Variants in GOLGB1 observed in about 807,000 individuals in gnomAD.
The protein encoded by GOLGB1 is golgin B1, also known as golgin subfamily B member 1.
GOLGB1 carries 174 observed loss-of-function variants against 336.9 expected under a neutral mutation model. That is an observed-to-expected ratio of 0.52 (90% CI 0.46 to 0.59). GOLGB1 has a LOEUF of 0.59. Ranked by LOEUF, GOLGB1 falls within the 20% of genes least tolerant of loss-of-function variation. The pLI is 0.00. For missense variants in GOLGB1, 3,331 were observed against 3,645.3 expected (o/e 0.91, Z 2.22); for synonymous variants, 1,208 against 1,289.2 (o/e 0.94, Z 1.35).
At chr3:121,682,745 A>AT (rs1406315258) in intron 14 of GOLGB1, among the ~76,000 whole-genome samples, 1 of 152,158 alleles carries the variant, frequency 6.6e-6, no homozygotes, top group East Asian at 1.9e-4. Flanking sequence ...AAATAATAGC[A>AT]TTTTTTAAAG....
intron 14 of GOLGB1, among the ~76,000 whole-genome samples, chr3:121,689,285 T>C (rs1485469117): frequency 2.6e-5 from 4 of 152,228 alleles, no homozygotes; most frequent in Non-Finnish European, 5.9e-5. Flanking sequence ...CATGGGAAAC[T>C]TTTCATTTTG....
intron 17 of GOLGB1, among the ~76,000 whole-genome samples, chr3:121,675,006 T>G (rs1215883912): frequency 2.0e-5 from 3 of 151,522 alleles, no homozygotes; most frequent in Non-Finnish European, 2.9e-5. Flanking sequence ...CGGCTAATTT[T>G]TTTGTATTTT....
chr3:121,721,941 C>A (rs1286707717), intron 6 of GOLGB1, among the ~76,000 whole-genome samples: 2 of 152,140 alleles, frequency 1.3e-5, no homozygotes, highest in Non-Finnish European at 2.9e-5. Flanking sequence ...TGAGTCCATT[C>A]CCAAAAGACT....
chr3:121,693,343 C>G (rs1006206355), intron 13 of GOLGB1, among the ~76,000 whole-genome samples: 1 of 152,088 alleles, frequency 6.6e-6, no homozygotes, highest in Non-Finnish European at 1.5e-5. Flanking sequence ...AAAAAATTAG[C>G]TGGGCGTGTT....
intron 4 of GOLGB1, among the ~76,000 whole-genome samples, chr3:121,727,674 A>AT (rs141624133): frequency 1.7e-4 from 25 of 150,628 alleles, no homozygotes; most frequent in African/African-American, 3.4e-4. Context: ...TCAATAATCT[A>AT]TTTTTTTTTC....
At chr3:121,666,840 T>C (rs939781782) in intron 20 of GOLGB1, among the ~76,000 whole-genome samples, 1 of 152,204 alleles carries the variant, frequency 6.6e-6, no homozygotes, top group Admixed American at 6.5e-5. Flanking sequence ...AGTGATTCTT[T>C]TGATGAGAAT....
intron 10 of GOLGB1, among the ~76,000 whole-genome samples, chr3:121,704,388 G>A (rs146110479): frequency 3.5e-4 from 53 of 152,220 alleles, no homozygotes; most frequent in African/African-American, 1.1e-3. Context: ...ATGGAAAAAT[G>A]ATACTTTACA....
chr3:121,671,275 A>G (rs1939494681), intron 17 of GOLGB1, among the ~76,000 whole-genome samples: 1 of 152,206 alleles, frequency 6.6e-6, no homozygotes, highest in East Asian at 1.9e-4. Context: ...GTCACTAATC[A>G]TCCATCTCAT....
Position 121,697,060 on chromosome 3 carries a change from G to A in GOLGB1, c.3463C>T (p.Pro1155Ser). 1 of 1,613,940 alleles carries A rather than the reference G, an allele frequency of 6.2e-7. No homozygotes were observed. The highest frequency in any genetic ancestry group is 2.2e-5 in the East Asian group (1 of 44,876). ...LVKETVVISP[P>S]CTGSSEHWKP... ...CAGTGTTCACTACTACCTGTACAAG[G>A]TGGACTTATCACCACTGTTTCCTTT... Residue 1155 changes from proline to serine, a missense_variant, in exon 13 of 22, where the codon CCT becomes TCT. Pro to Ser is a moderately conservative substitution (Grantham distance 74, BLOSUM62 -1). Coordinates refer to ENST00000614479, the MANE Select transcript of GOLGB1 (RefSeq NM_001366282.2).
At chr3:121,671,509 T>A (rs1199536585) in intron 17 of GOLGB1, among the ~76,000 whole-genome samples, 1 of 152,226 alleles carries the variant, frequency 6.6e-6, no homozygotes, top group Non-Finnish European at 1.5e-5. Flanking sequence ...AAAAATTTTT[T>A]AATTCATGTA....
At position 121,694,928 on chromosome 3, in the gene GOLGB1, CT is replaced by C. The variant is rs752366397; in HGVS notation, c.5594del (p.Lys1865ArgfsTer7). 2 of 1,614,036 alleles carry C rather than the reference CT, an allele frequency of 1.2e-6. No individual in the cohort carries two copies. The highest frequency in any genetic ancestry group is 8.5e-7 in the Non-Finnish European group (1 of 1,179,946). ...CATTTTCTAAAGTCTGGCTAAATTC[CT>C]TGTTTTTCTGCTTCTCCTCCTCTAA... ...AGLEEEKQKN[K>X]EFSQTLENEK... On this transcript the variant is annotated frameshift_variant, in exon 13 of 22. Transcript: ENST00000614479. LOFTEE classifies it high-confidence loss of function.
chr3:121,674,859 C>T (rs1460060362), intron 17 of GOLGB1, among the ~76,000 whole-genome samples: 117 of 133,582 alleles, frequency 8.8e-4, no homozygotes, highest in Non-Finnish European at 1.6e-3. Context: ...GACGGAGTCT[C>T]GCTCTGTCGC....
At chr3:121,747,507 A>C (rs1245266043) in intron 1 of GOLGB1, among the ~76,000 whole-genome samples, 1 of 150,648 alleles carries the variant, frequency 6.6e-6, no homozygotes, top group Non-Finnish European at 1.5e-5. Context: ...AATGTCCATC[A>C]ATGGGGACAG....
intron 10 of GOLGB1, among the ~76,000 whole-genome samples, chr3:121,712,723 C>A (rs1043529821): frequency 6.6e-6 from 1 of 152,126 alleles, no homozygotes; most frequent in Admixed American, 6.5e-5. Flanking sequence ...CATAATTTGT[C>A]ATCAGGGAAA....
intron 1 of GOLGB1, among the ~76,000 whole-genome samples, chr3:121,738,711 G>C (rs906827777): frequency 6.6e-6 from 1 of 152,154 alleles, no homozygotes; most frequent in Non-Finnish European, 1.5e-5. Flanking sequence ...GAAGAGTTGG[G>C]GCTCTCTTCC....
At chr3:121,675,264 A>G (rs931210178) in intron 17 of GOLGB1, among the ~76,000 whole-genome samples, 1 of 152,264 alleles carries the variant, frequency 6.6e-6, no homozygotes, top group African/African-American at 2.4e-5. Context: ...TAAAAAACAC[A>G]ACTTTATGAC....
chr3:121,699,677 T>A, intron 12 of GOLGB1, 135 bp downstream of exon 12: 2 of 483,824 alleles, frequency 4.1e-6, no homozygotes, highest in African/African-American at 1.9e-5. Context: ...CCATTATGAA[T>A]CTCTTTAATA....
Position 121,692,489 on chromosome 3 carries a change from T to C in GOLGB1, c.6875A>G (p.Lys2292Arg), listed in dbSNP as rs1404431660. 5 of 1,613,934 alleles carry C rather than the reference T, an allele frequency of 3.1e-6. No homozygotes were observed. The highest frequency in any genetic ancestry group is 2.2e-5 in the South Asian group (2 of 91,078). ...CTCTTCTAGCTGGGACAAAAGTTCT[T>C]TGTTTTCCCCCTGTAGAGTATCACA... ...KVCDTLQGENKELLSQLEETR... is the reference protein window; with the variant it reads ...KVCDTLQGENRELLSQLEETR... Residue 2292 changes from lysine to arginine, a missense_variant, in exon 14 of 22, where the codon AAA (lysine) becomes AGA (arginine). Transcript: ENST00000614479.
At position 121,694,514 on chromosome 3, in the gene GOLGB1, C is replaced by T. The variant is rs770806221; in HGVS notation, c.6009G>A (p.Gln2003=). ...CATGGCTTTTATTTCCGGGTTCTTT[C>T]TGAGCACCTTGTATTTTCTCCAAAT... The part of the protein sequence containing the change: ...KEYLEKIQGA[Q]KEPGNKSHAK... Residue 2003 remains glutamine, a synonymous_variant, in exon 13 of 22, where the codon CAG becomes CAA. Transcript: ENST00000614479. The T allele has an allele frequency of 6.2e-7, 1 of 1,612,124 alleles. No homozygotes were observed. The highest frequency in any genetic ancestry group is 1.7e-5 in the Admixed American group (1 of 59,806).
Sources: gnomAD v4.1 joint callset for allele counts (sites outside exome capture counted in the v4.1 genomes callset) on GRCh38, gnomAD v4.1.1 for gene constraint, MANE v1.5 for transcripts, NCBI Gene and HGNC (gene_info 2026-07-23, HGNC 2026-07-21) for gene names.